The following ARHGEF17 variants were observed in gnomAD, a reference collection of about 807,000 sequenced individuals.
ARHGEF17 encodes Rho guanine nucleotide exchange factor 17.
Under a neutral mutation model 174.0 loss-of-function variants are expected in ARHGEF17, and 80 were observed. That is an observed-to-expected ratio of 0.46 (90% CI 0.38 to 0.55). ARHGEF17 has a LOEUF of 0.55. ARHGEF17 is among the 20% of genes least tolerant of loss of function. The probability of loss-of-function intolerance (pLI) is 0.00; values close to 1 mark genes in which losing one functional copy is unlikely to be tolerated. For missense variants in ARHGEF17, 2,886 were observed against 2,839.7 expected, an observed-to-expected ratio of 1.02 and a Z score of -0.37; for synonymous variants, 1,311 against 1,189.1, an observed-to-expected ratio of 1.10 and a Z score of -2.11.
rs1166231059 is a variant in ARHGEF17 at position 73,365,743 on chromosome 11, G to C, written c.5791G>C (p.Glu1931Gln). The change falls in exon 20 of 21, where the codon GAG becomes CAG. Residue 1931 changes from glutamate (E) to glutamine (Q), a missense_variant. Around this residue, in one of 4 missense-constraint regions of ARHGEF17, gnomAD observed 329 missense variants for 435.2 expected, o/e 0.76. Coordinates refer to ENST00000263674, the MANE Select transcript of ARHGEF17 (RefSeq NM_014786.4). The surrounding 1 kb of genome is among the most constrained non-coding windows in gnomAD (Gnocchi z 4.9). The part of the protein sequence containing the change: ...CLRITALLVC[E>Q]ELLWVGTSAG... Reference sequence around the variant, plus strand: ...GCGAATCACAGCGCTGCTGGTGTGTGAGGAGCTGCTGTGGGTGGGCACCAG... The same window carrying C: ...GCGAATCACAGCGCTGCTGGTGTGTCAGGAGCTGCTGTGGGTGGGCACCAG... The C allele has an allele frequency of 1.2e-6, 2 of 1,613,748 alleles. No individual in the cohort carries two copies. The highest frequency in any genetic ancestry group is 2.2e-5 in the South Asian group (2 of 91,084).
At chr11:73,345,711 T>G (rs1865449102) in intron 1 of ARHGEF17, among the ~76,000 whole-genome samples, 1 of 152,136 alleles carries the variant, frequency 6.6e-6, no homozygotes, top group African/African-American at 2.4e-5. Context: ...CCAGTAAGCC[T>G]TGATGGCAGG....
chr11:73,309,077 T>TC lies in ARHGEF17; in HGVS notation c.443dup (p.Gly149ArgfsTer130). On this transcript the variant is annotated frameshift_variant, in exon 1 of 21. Coordinates refer to ENST00000263674, the MANE Select transcript of ARHGEF17 (RefSeq NM_014786.4). LOFTEE classifies it high-confidence loss of function. ...CAGGAGGCCCAGCGCCGACTCTGAA[T>TC]CCCCAGGAACGCCCAGCCCCGACGG... The TC allele has an allele frequency of 6.6e-7, 1 of 1,518,102 alleles. No individual in the cohort carries two copies. Among genetic ancestry groups the TC allele is most frequent in the Non-Finnish European group, 8.8e-7 (1 of 1,137,510 alleles). 94.0% of individuals were successfully genotyped at this position (1,518,102 alleles called of 1,614,324 possible).
chr11:73,356,365 G>GCCCCACCCCACCCTA lies in ARHGEF17; in HGVS notation c.3840+28_3840+42dup. The GCCCCACCCCACCCTA allele has an allele frequency of 1.3e-6, 2 of 1,593,360 alleles. No individual in the cohort carries two copies. Among genetic ancestry groups the GCCCCACCCCACCCTA allele is most frequent in the Non-Finnish European group, 8.5e-7 (1 of 1,173,908 alleles). On this transcript the variant is annotated intron_variant, in intron 6 of 20. Coordinates refer to ENST00000263674, the MANE Select transcript of ARHGEF17 (RefSeq NM_014786.4). ...GGCATGGAGGATGTGCGTGCGCCCT[G>GCCCCACCCCACCCTA]CCCCACCCCACCCTACCCCACCCCA...
intron 1 of ARHGEF17, among the ~76,000 whole-genome samples, chr11:73,339,592 G>T (rs1865338596): frequency 6.6e-6 from 1 of 152,194 alleles, no homozygotes. Flanking sequence ...GTATGGGTGG[G>T]CTCAGACTGG....
intron 2 of ARHGEF17, among the ~76,000 whole-genome samples, chr11:73,348,045 A>G (rs1287483514): frequency 1.9e-4 from 29 of 152,212 alleles, no homozygotes. Flanking sequence ...GAAGGCCCAC[A>G]GCCTGGATGC....
intron 1 of ARHGEF17, among the ~76,000 whole-genome samples, chr11:73,329,322 CATAT>C (rs1164051322): frequency 6.5e-5 from 1 of 15,310 alleles, no homozygotes; most frequent in Non-Finnish European, 1.2e-4. Flanking sequence ...TGAGAGCTTT[CATAT>C]ATATATATAT....
chr11:73,327,876 T>TA (rs58227623), intron 1 of ARHGEF17, among the ~76,000 whole-genome samples: 1,805 of 152,266 alleles, frequency 0.012, 41 homozygotes, highest in African/African-American at 0.041. Flanking sequence ...CTCTTCCTCT[T>TA]AGTTTTGTGG....
intron 12 of ARHGEF17, 36 bp downstream of exon 12, chr11:73,361,197 T>C: frequency 6.3e-7 from 1 of 1,598,700 alleles, no homozygotes; most frequent in East Asian, 2.2e-5. Flanking sequence ...GTACATGTTT[T>C]CAAAGCCAGC....
At chr11:73,324,582 C>A (rs562443797) in intron 1 of ARHGEF17, among the ~76,000 whole-genome samples, 3 of 152,172 alleles carry the variant, frequency 2.0e-5, no homozygotes, top group Non-Finnish European at 1.5e-5. Context: ...GTGCTTAGCT[C>A]AGGTCACAGA....
rs775772234 is a variant in ARHGEF17 at position 73,362,574 on chromosome 11, T to C, written c.4836T>C (p.Ile1612=). Reference sequence around the variant, plus strand: ...CGCAGCCCTGCCTTCACATCTCCATTGCAGGCTCGGGCTTGGAGATGACGC... The same window carrying C: ...CGCAGCCCTGCCTTCACATCTCCATCGCAGGCTCGGGCTTGGAGATGACGC... ...PGPQPCLHIS[I]AGSGLEMTPG... The change falls in exon 14 of 21, where the codon ATT becomes ATC. Residue 1612 remains isoleucine (I), a synonymous_variant. Transcript: ENST00000263674. 1.3e-5 allele frequency: 21 copies of C among 1,609,946 alleles called. No individual in the cohort carries two copies. The Admixed American group carries it at 3.5e-4, about 27-fold the overall frequency.
intron 1 of ARHGEF17, among the ~76,000 whole-genome samples, chr11:73,341,559 G>A (rs754128173): frequency 4.6e-5 from 7 of 152,062 alleles, no homozygotes; most frequent in Admixed American, 3.9e-4. Context: ...TGATCTGCCC[G>A]CCTCAGCCTC....
chr11:73,365,314 T>TG lies in ARHGEF17; in HGVS notation c.5551-74dup. The TG allele has an allele frequency of 6.5e-7, 1 of 1,542,584 alleles. No individual in the cohort carries two copies. The highest frequency in any genetic ancestry group is 1.4e-5 in the African/African-American group (1 of 73,748). ...AGTGTGAGTTGTGAGGGATGGACAC[T>TG]GGTGAAGCTCCAGGCTAGGGTGGGC... On this transcript the variant is annotated intron_variant, in intron 18 of 20. Coordinates refer to ENST00000263674, the MANE Select transcript of ARHGEF17 (RefSeq NM_014786.4). This position sits in a 1 kb window ranked among gnomAD's most constrained non-coding sequence, Gnocchi z 4.9.
At chr11:73,352,413 T>C (rs1347359670) in intron 2 of ARHGEF17, among the ~76,000 whole-genome samples, 1 of 152,232 alleles carries the variant, frequency 6.6e-6, no homozygotes, top group East Asian at 1.9e-4. Context: ...TCCTAAGCTC[T>C]ATCAGGACAG....
Position 73,365,570 on chromosome 11 carries a change from G to A in ARHGEF17, c.5725+6G>A. 1.2e-6 allele frequency: 2 copies of A among 1,613,924 alleles called. No homozygotes were observed. Among genetic ancestry groups the A allele is most frequent in the Non-Finnish European group, 8.5e-7 (1 of 1,179,878 alleles). ...CGTGCACAGGATGCTGGCAGGTACT[G>A]ACCTCAAACTACCACAGCACCCTCC... On this transcript the variant is annotated splice_donor_region_variant and intron_variant, in intron 19 of 20. Transcript: ENST00000263674. This position sits in a 1 kb window ranked among gnomAD's most constrained non-coding sequence, Gnocchi z 4.9.
chr11:73,346,040 C>A (rs1865455088), intron 1 of ARHGEF17, among the ~76,000 whole-genome samples: 1 of 151,944 alleles, frequency 6.6e-6, no homozygotes, highest in African/African-American at 2.4e-5. Flanking sequence ...CACAAGGCAT[C>A]CCAGACAGGG....
At position 73,310,387 on chromosome 11, in the gene ARHGEF17, G is replaced by A. The variant is rs1324088647; in HGVS notation, c.1749G>A (p.Leu583=). The A allele has an allele frequency of 6.2e-7, 1 of 1,613,940 alleles. No individual in the cohort carries two copies. The highest frequency in any genetic ancestry group is 8.5e-7 in the Non-Finnish European group (1 of 1,180,032). ...GCCCTGGTGCCGAGGAGGATCCGCTGCCCCTCATCGTCCAGGACCAATATG... is the reference window on the plus strand; with the variant it reads ...GCCCTGGTGCCGAGGAGGATCCGCTACCCCTCATCGTCCAGGACCAATATG... ...LTGPGAEEDP[L]PLIVQDQYVQ... Residue 583 remains leucine (L), a synonymous_variant, in exon 1 of 21, where the codon CTG becomes CTA. Transcript: ENST00000263674.
chr11:73,361,786 CA>C (rs1292453405), intron 12 of ARHGEF17, among the ~76,000 whole-genome samples: 2 of 147,948 alleles, frequency 1.4e-5, no homozygotes, highest in Admixed American at 1.4e-4. Context: ...CCCTGGAGGT[CA>C]AAGCTGCAGT....
intron 1 of ARHGEF17, among the ~76,000 whole-genome samples, chr11:73,345,023 A>G (rs1223751876): frequency 1.3e-5 from 2 of 152,300 alleles, no homozygotes; most frequent in African/African-American, 4.8e-5. Context: ...AAGCAAGACC[A>G]TGTCTGTGGG....
intron 1 of ARHGEF17, among the ~76,000 whole-genome samples, chr11:73,329,762 T>C (rs1233928686): frequency 1.3e-5 from 2 of 152,196 alleles, no homozygotes; most frequent in Non-Finnish European, 2.9e-5. Flanking sequence ...TGCAACCACA[T>C]ATTAACAGGT....
Sources: gnomAD v4.1 joint callset for allele counts (sites outside exome capture counted in the v4.1 genomes callset) on GRCh38, gnomAD v4.1.1 for gene constraint, gnomAD v4.1.1 regional missense constraint, Gnocchi (gnomAD v3.1) non-coding constraint, MANE v1.5 for transcripts, NCBI Gene and HGNC (gene_info 2026-07-23, HGNC 2026-07-21) for gene names.